Variants in CTNNA2 observed in about 807,000 individuals in gnomAD.
CTNNA2 encodes the protein catenin alpha 2.
CTNNA2 carries 42 observed loss-of-function variants against 101.0 expected under a neutral mutation model. The observed-to-expected ratio is 0.42, with a 90% CI of 0.32 to 0.54. The LOEUF (loss-of-function observed/expected upper bound fraction) is 0.54. CTNNA2 is among the 20% of genes least tolerant of loss of function. The pLI, the probability that CTNNA2 is intolerant of heterozygous loss-of-function variation, is 0.14. For synonymous variants in CTNNA2, 450 were observed against 456.4 expected, an observed-to-expected ratio of 0.99 and a Z score of 0.18; for missense variants, 871 against 1,223.1, an observed-to-expected ratio of 0.71 and a Z score of 4.29.
intron 1 of CTNNA2, among the ~76,000 whole-genome samples, chr2:79,536,616 G>A (rs1673085218): frequency 1.1e-5 from 1 of 88,618 alleles, no homozygotes; most frequent in African/African-American, 3.4e-5. Flanking sequence ...TGTTGAGGGT[G>A]GGGTACATGC....
At chr2:80,069,682 A>G (rs1167041876) in intron 7 of CTNNA2, among the ~76,000 whole-genome samples, 2 of 152,198 alleles carry the variant, frequency 1.3e-5, no homozygotes, top group Non-Finnish European at 1.5e-5. Flanking sequence ...AAATAAATTG[A>G]AGAGATTTGC....
At chr2:79,197,722 T>C (rs1429106057) in intron 1 of CTNNA2, among the ~76,000 whole-genome samples, 1 of 152,230 alleles carries the variant, frequency 6.6e-6, no homozygotes, top group Non-Finnish European at 1.5e-5. Flanking sequence ...CATGATTACC[T>C]AGCCTCTGTG....
chr2:79,995,142 T>C (rs1692456246), intron 7 of CTNNA2, among the ~76,000 whole-genome samples: 1 of 152,204 alleles, frequency 6.6e-6, no homozygotes, highest in Non-Finnish European at 1.5e-5. Context: ...TCAGTTCTCC[T>C]TGGCAATGCA....
intron 4 of CTNNA2, among the ~76,000 whole-genome samples, chr2:79,495,068 A>T (rs189987181): frequency 6.6e-6 from 1 of 152,130 alleles, no homozygotes; most frequent in Non-Finnish European, 1.5e-5. Context: ...GCGCCACTGC[A>T]CTCCAGCCTG....
chr2:80,571,194 T>A (rs765546341), intron 12 of CTNNA2, among the ~76,000 whole-genome samples: 6 of 152,176 alleles, frequency 3.9e-5, no homozygotes, highest in Non-Finnish European at 7.4e-5. Flanking sequence ...GGTGTGTTCA[T>A]GCAGGTTGGG....
At chr2:79,723,692 T>G (rs554770034) in intron 2 of CTNNA2, among the ~76,000 whole-genome samples, 1 of 152,330 alleles carries the variant, frequency 6.6e-6, no homozygotes, top group Middle Eastern at 3.4e-3. Flanking sequence ...GTCTTGCTGA[T>G]CATACATATG....
At chr2:79,424,777 A>T (rs566344682) in intron 4 of CTNNA2, among the ~76,000 whole-genome samples, 1 of 152,292 alleles carries the variant, frequency 6.6e-6, no homozygotes, top group East Asian at 1.9e-4. Context: ...GGGTCAAAAG[A>T]TATAAAACGA....
intron 16 of CTNNA2, among the ~76,000 whole-genome samples, chr2:80,606,825 A>G (rs1698069472): frequency 6.6e-6 from 1 of 151,944 alleles, no homozygotes; most frequent in Non-Finnish European, 1.5e-5. Flanking sequence ...CCATTGAGAT[A>G]GAACTTTCAG....
intron 2 of CTNNA2, among the ~76,000 whole-genome samples, chr2:79,690,756 G>T (rs930806288): frequency 3.3e-5 from 5 of 152,122 alleles, no homozygotes; most frequent in Non-Finnish European, 5.9e-5. Context: ...TGCAGAGGAA[G>T]TGGGGGCAGA....
chr2:79,944,807 A>T (rs1208121101), intron 7 of CTNNA2, among the ~76,000 whole-genome samples: 1 of 152,218 alleles, frequency 6.6e-6, no homozygotes, highest in African/African-American at 2.4e-5. Flanking sequence ...GGGCTCACAC[A>T]GTGTCCTCCA....
intron 7 of CTNNA2, among the ~76,000 whole-genome samples, chr2:80,129,327 G>A (rs1188902514): frequency 6.6e-6 from 1 of 152,214 alleles, no homozygotes; most frequent in Admixed American, 6.5e-5. Flanking sequence ...TCCATGCTCA[G>A]TAGCCTCTGT....
intron 7 of CTNNA2, among the ~76,000 whole-genome samples, chr2:79,940,396 G>T (rs1688073865): frequency 6.6e-6 from 1 of 152,174 alleles, no homozygotes; most frequent in Non-Finnish European, 1.5e-5. Flanking sequence ...ATGTGAAATT[G>T]CAGATAAATA....
intron 7 of CTNNA2, among the ~76,000 whole-genome samples, chr2:80,210,857 C>T (rs1174179923): frequency 2.6e-5 from 4 of 152,184 alleles, no homozygotes; most frequent in African/African-American, 7.2e-5. Context: ...TCCTATTTCT[C>T]CACATCCTCT....
In CTNNA2 at chr2:80,459,185, T is replaced by A. The variant is rs1684223188; in HGVS notation, c.1290+39584T>A. Among the ~76,000 whole-genome samples, 4 of 152,278 alleles carry A rather than the reference T, an allele frequency of 2.6e-5. No homozygotes were observed. The South Asian group carries it at 6.2e-4, about 24-fold the overall frequency. Reference sequence around the variant, plus strand: ...ACACGCTATCATGTTTACACAATGATGAAACCACCTAAGGATGCATTTCTT... The same window carrying A: ...ACACGCTATCATGTTTACACAATGAAGAAACCACCTAAGGATGCATTTCTT... On this transcript the variant is annotated intron_variant, in intron 9 of 18. Transcript: ENST00000402739.
chr2:80,523,925 A>ATG (rs1391619410), intron 9 of CTNNA2, among the ~76,000 whole-genome samples: 1 of 152,152 alleles, frequency 6.6e-6, no homozygotes, highest in Admixed American at 6.5e-5. Context: ...TTCCTAGATG[A>ATG]TGTGAGGCAT....
At chr2:79,891,501 GTC>G (rs942976361) in intron 6 of CTNNA2, among the ~76,000 whole-genome samples, 49 of 152,250 alleles carry the variant, frequency 3.2e-4, no homozygotes, top group Admixed American at 2.6e-3. Flanking sequence ...ACAAAGATCT[GTC>G]ACAGATTTGA....
At chr2:79,830,019 C>T (rs1207043064) in intron 3 of CTNNA2, among the ~76,000 whole-genome samples, 1 of 152,042 alleles carries the variant, frequency 6.6e-6, no homozygotes, top group Non-Finnish European at 1.5e-5. Context: ...GAAGCTGACC[C>T]TGGGAAAAGG....
chr2:79,282,544 G>A lies in CTNNA2; in HGVS notation c.-405-30165G>A, dbSNP rs914538325. Among the ~76,000 whole-genome samples, 3 of 150,802 alleles carry A rather than the reference G, an allele frequency of 2.0e-5. No individual in the cohort carries two copies. The Admixed American group carries it at 2.0e-4, about 10-fold the overall frequency. On this transcript the variant is annotated intron_variant, in intron 2 of 21. Coordinates refer to the CTNNA2 transcript ENST00000466387. ...GTTCTTGCGATAGTTTACTGAGAAT[G>A]ATGATTTCCAATTTCATCCATGTCC...
chr2:80,149,932 T>C (rs1400598672), intron 7 of CTNNA2, among the ~76,000 whole-genome samples: 9 of 152,136 alleles, frequency 5.9e-5, no homozygotes, highest in Admixed American at 5.9e-4. Context: ...GCCTGAAGAA[T>C]GAAGAGTGAA....
Sources: gnomAD v4.1 joint callset for allele counts (sites outside exome capture counted in the v4.1 genomes callset) on GRCh38, gnomAD v4.1.1 for gene constraint, MANE v1.5 for transcripts, NCBI Gene and HGNC (gene_info 2026-07-23, HGNC 2026-07-21) for gene names.